Variants in MRM1 observed in about 807,000 individuals in gnomAD.
MRM1 encodes rRNA methyltransferase 1, mitochondrial.
Under a neutral mutation model 25.0 loss-of-function variants are expected in MRM1, and 24 were observed. That is an observed-to-expected ratio of 0.96 (90% confidence interval 0.69 to 1.35). The LOEUF is 1.35. Among genes scored for constraint, MRM1 ranks in the 40% most tolerant of loss-of-function variants. The pLI, the probability that MRM1 is intolerant of heterozygous loss-of-function variation, is 0.00. For synonymous variants in MRM1, 188 were observed against 199.2 expected, an observed-to-expected ratio of 0.94 and a Z score of 0.47; for missense variants, 431 against 464.1, an observed-to-expected ratio of 0.93 and a Z score of 0.65.
chr17:36,605,275 C>T (rs1224199435), intron 2 of MRM1, among the ~76,000 whole-genome samples: 2 of 152,072 alleles, frequency 1.3e-5, no homozygotes, highest in Non-Finnish European at 2.9e-5. Flanking sequence ...CCCACCTCAG[C>T]CTCCTGAGTA....
chr17:36,613,497 A>G (rs1399765478), downstream of MRM1, among the ~76,000 whole-genome samples: 2 of 152,006 alleles, frequency 1.3e-5, no homozygotes, highest in Non-Finnish European at 2.9e-5. Context: ...ACCTCTCCCC[A>G]CTTCTTCAGG....
chr17:36,615,584 A>G, the MRM1 span, among the ~76,000 whole-genome samples: 1 of 151,524 alleles, frequency 6.6e-6, no homozygotes, highest in Non-Finnish European at 1.5e-5. Context: ...CCTGGAACCC[A>G]GTAGGCGGAG....
the MRM1 span, among the ~76,000 whole-genome samples, chr17:36,627,625 A>G: frequency 0.025 from 3,746 of 149,930 alleles, 161 homozygotes; most frequent in African/African-American, 0.085. Context: ...GTCTCTTTTG[A>G]AGTTGTACAA....
the MRM1 span, among the ~76,000 whole-genome samples, chr17:36,630,742 A>G: frequency 1.3e-5 from 2 of 152,074 alleles, no homozygotes; most frequent in African/African-American, 4.8e-5. Flanking sequence ...TTCGCTAGAG[A>G]CATTCGAGGA....
chr17:36,632,666 G>A, the MRM1 span, among the ~76,000 whole-genome samples: 1 of 152,186 alleles, frequency 6.6e-6, no homozygotes, highest in Non-Finnish European at 1.5e-5. Flanking sequence ...TTGGGTGAAA[G>A]GATCATGGAG....
the MRM1 span, among the ~76,000 whole-genome samples, chr17:36,629,416 C>T: frequency 1.3e-5 from 2 of 152,192 alleles, no homozygotes; most frequent in Non-Finnish European, 2.9e-5. Context: ...GGGTGAGCTG[C>T]GGCGGCAGGC....
chr17:36,608,475 G>A lies in MRM1; in HGVS notation c.*60G>A, dbSNP rs2074951530. 3.0e-6 allele frequency: 4 copies of A among 1,332,736 alleles called. No individual in the cohort carries two copies. Among genetic ancestry groups the A allele is most frequent in the African/African-American group, 1.5e-5 (1 of 67,686 alleles). The allele number at this position is 1,332,736 out of a possible 1,614,324, so 82.6% of individuals were successfully genotyped here. On this transcript the variant is annotated 3_prime_UTR_variant, in exon 5 of 5. Transcript: ENST00000614766. ...AGGGACGGCCGCACCTGCCTCCGCCGGCTCCAGTGTGCGGGGAGCCTCTGC... is the reference window on the plus strand; with the variant it reads ...AGGGACGGCCGCACCTGCCTCCGCCAGCTCCAGTGTGCGGGGAGCCTCTGC...
At chr17:36,611,968 T>A (rs190690680), downstream of MRM1, among the ~76,000 whole-genome samples, 1 of 152,290 alleles carries the variant, frequency 6.6e-6, no homozygotes, top group Admixed American at 6.5e-5. Context: ...TTGTTTCTGT[T>A]TCTCTGGAGA....
the MRM1 span, among the ~76,000 whole-genome samples, chr17:36,625,308 T>G: frequency 6.8e-6 from 1 of 146,570 alleles, no homozygotes; most frequent in Admixed American, 6.8e-5. Flanking sequence ...TGGTTGTTTC[T>G]TCTTCTTTCT....
At chr17:36,633,972 C>A in the MRM1 span, 1 of 152,272 alleles carries the variant, frequency 6.6e-6, no homozygotes, top group East Asian at 1.9e-4. Context: ...TGTCCCTTCT[C>A]ACTGTAGACT....
At chr17:36,634,334 T>C in the MRM1 span, 1 of 152,226 alleles carries the variant, frequency 6.6e-6, no homozygotes, top group African/African-American at 2.4e-5. Context: ...TGCGACCTGC[T>C]GTAGCCCTCC....
chr17:36,605,267 C>CA (rs1385989677), intron 2 of MRM1, among the ~76,000 whole-genome samples: 1 of 152,024 alleles, frequency 6.6e-6, no homozygotes, highest in Non-Finnish European at 1.5e-5. Flanking sequence ...GCCATCCTCC[C>CA]ACCTCAGCCT....
rs1278146139 is a variant in MRM1 at position 36,607,650 on chromosome 17, T to C, written c.637-20T>C. ...TTAAAATAAAAAAAGAATTAGAACA[T>C]ATCTTCTTCCCCCTTTCAGACCAAA... On this transcript the variant is annotated intron_variant, in intron 2 of 4. Coordinates refer to ENST00000614766, the MANE Select transcript of MRM1 (RefSeq NM_024864.5). The C allele has an allele frequency of 6.2e-7, 1 of 1,600,982 alleles. No individual in the cohort carries two copies. The highest frequency in any genetic ancestry group is 8.5e-7 in the Non-Finnish European group (1 of 1,175,304).
downstream of MRM1, among the ~76,000 whole-genome samples, chr17:36,612,436 C>T (rs1286546238): frequency 6.6e-6 from 1 of 152,182 alleles, no homozygotes; most frequent in Non-Finnish European, 1.5e-5. Context: ...GAGGATGAGG[C>T]CTGATTCTCC....
At chr17:36,625,131 G>T in the MRM1 span, among the ~76,000 whole-genome samples, 7 of 152,322 alleles carry the variant, frequency 4.6e-5, no homozygotes, top group South Asian at 1.4e-3. Flanking sequence ...TGCTGGAGGA[G>T]TGAGTTCCAG....
intron 2 of MRM1, among the ~76,000 whole-genome samples, chr17:36,604,256 G>C (rs1416956943): frequency 2.6e-5 from 4 of 152,162 alleles, no homozygotes; most frequent in Admixed American, 6.5e-5. Context: ...TGAATCAAAG[G>C]CTTCATCAAG....
chr17:36,626,811 A>G, the MRM1 span, among the ~76,000 whole-genome samples: 4,207 of 152,298 alleles, frequency 0.028, 89 homozygotes, highest in South Asian at 0.069. Context: ...GGAAGGGTTG[A>G]CACTCGAACC....
chr17:36,619,390 A>G, the MRM1 span, among the ~76,000 whole-genome samples: 3 of 152,338 alleles, frequency 2.0e-5, no homozygotes, highest in South Asian at 6.2e-4. Flanking sequence ...GCCTTGGGCC[A>G]GGTGCAGTGG....
At chr17:36,610,056 G>C (rs1317895410), downstream of MRM1, among the ~76,000 whole-genome samples, 2 of 151,784 alleles carry the variant, frequency 1.3e-5, no homozygotes, top group Non-Finnish European at 2.9e-5. Context: ...CTTCCAAGTG[G>C]CTGGGACTAC....
Sources: gnomAD v4.1 joint callset for allele counts (sites outside exome capture counted in the v4.1 genomes callset) on GRCh38, gnomAD v4.1.1 for gene constraint, MANE v1.5 for transcripts, NCBI Gene and HGNC (gene_info 2026-07-23, HGNC 2026-07-21) for gene names.